The following PKN2 variants were observed in gnomAD, a reference collection of about 807,000 sequenced individuals.
PKN2 encodes serine/threonine-protein kinase N2.
PKN2 carries 38 observed loss-of-function variants against 119.1 expected under a neutral mutation model. That is an observed-to-expected ratio of 0.32 (90% CI 0.25 to 0.42). The LOEUF (loss-of-function observed/expected upper bound fraction) is 0.42, where lower values mean the gene tolerates loss of function less well. Among genes scored for constraint, PKN2 ranks in the 10% least tolerant of loss-of-function variants. The probability of loss-of-function intolerance (pLI) is 1.00; values close to 1 mark genes in which losing one functional copy is unlikely to be tolerated. For missense variants in PKN2, 850 were observed against 1,165.1 expected (o/e 0.73, Z 3.94); for synonymous variants, 390 against 384.9 (o/e 1.01, Z -0.15).
At chr1:88,720,098 A>G (rs988669701) in intron 1 of PKN2, among the ~76,000 whole-genome samples, 2 of 152,032 alleles carry the variant, frequency 1.3e-5, no homozygotes, top group African/African-American at 4.8e-5. Flanking sequence ...AGTGGCACCA[A>G]TCACGGCTTA....
intron 6 of PKN2, among the ~76,000 whole-genome samples, chr1:88,774,636 C>T (rs928730865): frequency 6.6e-6 from 1 of 151,352 alleles, no homozygotes; most frequent in Non-Finnish European, 1.5e-5. Flanking sequence ...TTTTTTTATG[C>T]AAGTGTTTAT....
chr1:88,723,326 C>T (rs527943306), intron 1 of PKN2, among the ~76,000 whole-genome samples: 25 of 151,816 alleles, frequency 1.6e-4, no homozygotes, highest in Non-Finnish European at 3.2e-4. Flanking sequence ...TTGGTCAGGC[C>T]GGTCTCAAAC....
At chr1:88,762,185 C>G (rs1669473334) in intron 3 of PKN2, among the ~76,000 whole-genome samples, 1 of 152,130 alleles carries the variant, frequency 6.6e-6, no homozygotes, top group South Asian at 2.1e-4. Context: ...AACCACTGCT[C>G]TAAGTTGAAC....
chr1:88,812,399 A>G (rs1557629261), intron 15 of PKN2, among the ~76,000 whole-genome samples: 1 of 152,294 alleles, frequency 6.6e-6, no homozygotes, highest in East Asian at 1.9e-4. Context: ...CAGTTGTTTC[A>G]TTCATAAATT....
At chr1:88,694,085 C>G (rs562272147) in intron 1 of PKN2, among the ~76,000 whole-genome samples, 37 of 152,348 alleles carry the variant, frequency 2.4e-4, no homozygotes, top group South Asian at 1.5e-3. Context: ...TCGACATCCT[C>G]CACAAGAGTA....
At chr1:88,760,593 T>C (rs965357056) in intron 3 of PKN2, among the ~76,000 whole-genome samples, 1 of 152,186 alleles carries the variant, frequency 6.6e-6, no homozygotes, top group Non-Finnish European at 1.5e-5. Flanking sequence ...TGATTTTGCC[T>C]TCTTAAGCTA....
intron 1 of PKN2, among the ~76,000 whole-genome samples, chr1:88,703,405 A>G (rs561863264): frequency 6.6e-6 from 1 of 152,278 alleles, no homozygotes; most frequent in South Asian, 2.1e-4. Flanking sequence ...GTTTTATTTT[A>G]TAATCTTAAG....
At chr1:88,788,889 A>T (rs1286817179) in intron 8 of PKN2, among the ~76,000 whole-genome samples, 1 of 152,190 alleles carries the variant, frequency 6.6e-6, no homozygotes, top group Non-Finnish European at 1.5e-5. Context: ...AAAAAGCTTA[A>T]TGAAGCTCCC....
rs769986492 is a variant in PKN2, at chr1:88,804,431, G to T, written c.1322G>T (p.Arg441Leu). 1 of 1,612,304 alleles carries T rather than the reference G, an allele frequency of 6.2e-7. No homozygotes were observed. Among genetic ancestry groups the T allele is most frequent in the Admixed American group, 1.7e-5 (1 of 59,920 alleles). The part of the protein sequence containing the change: ...LEISVYWRDW[R>L]SLCAVKFLRL... ...ATTTCAGTTTATTGGCGTGATTGGC[G>T]GTCTCTGTGTGCTGTAAAATTTCTG... Residue 441 changes from arginine (R) to leucine (L), a missense_variant, in exon 9 of 22, where the codon CGG becomes CTG. Arg to Leu is a moderately radical substitution (Grantham distance 102). Around this residue, in one of 9 missense-constraint regions of PKN2, gnomAD observed 350 missense variants for 511.1 expected, o/e 0.68. Coordinates refer to ENST00000370521, the MANE Select transcript of PKN2 (RefSeq NM_006256.4).
chr1:88,712,772 T>C (rs1371445137), intron 1 of PKN2, among the ~76,000 whole-genome samples: 2 of 152,138 alleles, frequency 1.3e-5, no homozygotes, highest in African/African-American at 2.4e-5. Flanking sequence ...GTTTCGTTTA[T>C]TTTATTTTAT....
chr1:88,813,026 T>A (rs1035371476), intron 15 of PKN2, among the ~76,000 whole-genome samples: 2 of 152,208 alleles, frequency 1.3e-5, no homozygotes, highest in Non-Finnish European at 2.9e-5. Context: ...TAGTAACATT[T>A]AGAAAGTTTG....
chr1:88,725,239 G>A (rs1369979839), intron 1 of PKN2, among the ~76,000 whole-genome samples: 4 of 152,082 alleles, frequency 2.6e-5, no homozygotes, highest in South Asian at 4.1e-4. Flanking sequence ...ATATCCAAGA[G>A]TGTAATTGCT....
At chr1:88,775,060 G>GAT (rs1205616752) in intron 6 of PKN2, among the ~76,000 whole-genome samples, 2 of 151,990 alleles carry the variant, frequency 1.3e-5, no homozygotes, top group Admixed American at 6.6e-5. Context: ...GAGATAGATA[G>GAT]ATATATATAT....
At chr1:88,697,695 C>T (rs1489969561) in intron 1 of PKN2, among the ~76,000 whole-genome samples, 1 of 152,036 alleles carries the variant, frequency 6.6e-6, no homozygotes, top group Non-Finnish European at 1.5e-5. Context: ...TTGTTGTAGC[C>T]CCAAAATGCT....
At chr1:88,728,132 A>G (rs1283015671) in intron 1 of PKN2, among the ~76,000 whole-genome samples, 1 of 151,880 alleles carries the variant, frequency 6.6e-6, no homozygotes, top group Non-Finnish European at 1.5e-5. Flanking sequence ...CAAGACCTGA[A>G]GTTCCTAACT....
At chr1:88,831,311 A>C (rs1280039762) in intron 19 of PKN2, among the ~76,000 whole-genome samples, 1 of 151,626 alleles carries the variant, frequency 6.6e-6, no homozygotes, top group Non-Finnish European at 1.5e-5. Flanking sequence ...GACTTGTAGA[A>C]TGAGTTTTCA....
intron 6 of PKN2, among the ~76,000 whole-genome samples, chr1:88,780,857 TAATAA>T (rs1360885027): frequency 6.6e-6 from 1 of 152,150 alleles, no homozygotes; most frequent in Non-Finnish European, 1.5e-5. Flanking sequence ...TCTAGAAAAG[TAATAA>T]AATCACATTT....
chr1:88,698,021 TTCA>T (rs1489991079), intron 1 of PKN2, among the ~76,000 whole-genome samples: 1 of 152,216 alleles, frequency 6.6e-6, no homozygotes, highest in Non-Finnish European at 1.5e-5. Flanking sequence ...ATTTTTAATC[TTCA>T]TCATTTACCC....
intron 8 of PKN2, among the ~76,000 whole-genome samples, chr1:88,794,498 G>A (rs558853517): frequency 2.0e-5 from 3 of 152,254 alleles, no homozygotes; most frequent in South Asian, 4.1e-4. Context: ...TAGCTACTGG[G>A]GAGACTGAGG....
Sources: gnomAD v4.1 joint callset for allele counts (sites outside exome capture counted in the v4.1 genomes callset) on GRCh38, gnomAD v4.1.1 for gene constraint, gnomAD v4.1.1 regional missense constraint, MANE v1.5 for transcripts, NCBI Gene and HGNC (gene_info 2026-07-23, HGNC 2026-07-21) for gene names.